Variants in RB1 observed in about 807,000 individuals in gnomAD.
RB1 encodes the protein RB transcriptional corepressor 1.
A neutral mutation model predicts 135.4 loss-of-function variants in RB1; 18 were observed. The observed-to-expected ratio is 0.13, with a 90% CI of 0.09 to 0.20. The LOEUF is 0.20. Ranked by LOEUF, RB1 falls within the 10% of genes least tolerant of loss-of-function variation. RB1 has a pLI of 1.00. For synonymous variants in RB1, 365 were observed against 373.2 expected, an observed-to-expected ratio of 0.98 and a Z score of 0.25; for missense variants, 868 against 1,110.0, an observed-to-expected ratio of 0.78 and a Z score of 3.10.
intron 2 of RB1, among the ~76,000 whole-genome samples, chr13:48,308,857 A>G (rs1487136331): frequency 6.6e-6 from 1 of 152,188 alleles, no homozygotes; most frequent in Non-Finnish European, 1.5e-5. Context: ...TTGAGATTAT[A>G]CATGTAGTTA....
intron 11 of RB1, among the ~76,000 whole-genome samples, 188 bp from the exon 12 acceptor site, chr13:48,373,217 A>G (rs555649495): frequency 1.3e-5 from 2 of 152,198 alleles, no homozygotes; most frequent in Non-Finnish European, 2.9e-5. Context: ...TTGTGAATAC[A>G]TATTTTCTTA....
chr13:48,453,454 G>A (rs543650313), intron 18 of RB1, among the ~76,000 whole-genome samples: 11 of 152,172 alleles, frequency 7.2e-5, no homozygotes, highest in Non-Finnish European at 1.6e-4. Context: ...AAATGTCAAA[G>A]GAAGCAGAAA....
At chr13:48,372,298 G>A (rs142776984) in intron 11 of RB1, among the ~76,000 whole-genome samples, 3 of 152,288 alleles carry the variant, frequency 2.0e-5, no homozygotes, top group East Asian at 3.9e-4. Context: ...GGTCATTTGT[G>A]GCTTTAATCA....
chr13:48,368,699 A>G, intron 11 of RB1, 95 bp downstream of exon 11: 3 of 1,499,122 alleles, frequency 2.0e-6, no homozygotes, highest in Non-Finnish European at 2.7e-6. Context: ...GTATTCATAC[A>G]TACATGTAAG....
chr13:48,371,110 G>T (rs1442597554), intron 11 of RB1, among the ~76,000 whole-genome samples: 1 of 152,222 alleles, frequency 6.6e-6, no homozygotes, highest in Non-Finnish European at 1.5e-5. Flanking sequence ...GGAGAGGAGA[G>T]TGGGTACTAG....
At chr13:48,411,045 T>A (rs1428268089) in intron 17 of RB1, 1 of 155,464 alleles carries the variant, frequency 6.4e-6, no homozygotes, top group Admixed American at 6.4e-5. Context: ...TATAAAATAA[T>A]TTAGTAAATT....
chr13:48,465,939 G>A (rs1319149755), intron 23 of RB1, among the ~76,000 whole-genome samples: 1 of 148,060 alleles, frequency 6.8e-6, no homozygotes, highest in Non-Finnish European at 1.5e-5. Context: ...TGCTAGCACA[G>A]CAGTCTGTGA....
At chr13:48,400,254 TA>T (rs1330709446) in intron 17 of RB1, among the ~76,000 whole-genome samples, 2 of 152,096 alleles carry the variant, frequency 1.3e-5, no homozygotes, top group African/African-American at 4.8e-5. Flanking sequence ...TAGGTACTGT[TA>T]AAAGTGCTTC....
chr13:48,408,611 A>G (rs572923557), intron 17 of RB1: 1 of 152,140 alleles, frequency 6.6e-6, no homozygotes, highest in African/African-American at 2.4e-5. Context: ...AACCCTCAGA[A>G]TATATGACTT....
rs111796313 is a variant in RB1 at position 48,416,454 on chromosome 13, T to C, written c.1695+35011T>C. The C allele has an allele frequency of 4.4e-3, 678 of 152,578 alleles. 3 individuals are homozygous for C. The highest frequency in any genetic ancestry group is 0.015 in the African/African-American group (642 of 41,564). The allele number at this position is 152,578 out of a possible 1,614,324, so 9.5% of individuals were successfully genotyped here. On this transcript the variant is annotated intron_variant, in intron 17 of 26. Transcript: ENST00000267163. Reference sequence around the variant, plus strand: ...ACAACCCTTAGACCAGGCAATTCCCTCGGGTGCCTACACCACCCAGGCCCT... The same window carrying C: ...ACAACCCTTAGACCAGGCAATTCCCCCGGGTGCCTACACCACCCAGGCCCT...
At chr13:48,418,329 G>A (rs1566217078) in intron 17 of RB1, among the ~76,000 whole-genome samples, 1 of 152,154 alleles carries the variant, frequency 6.6e-6, no homozygotes, top group Non-Finnish European at 1.5e-5. Flanking sequence ...ATAAGCAAAT[G>A]TTGAGAGATT....
intron 18 of RB1, among the ~76,000 whole-genome samples, chr13:48,455,469 G>A (rs552125240): frequency 3.9e-5 from 6 of 152,118 alleles, no homozygotes; most frequent in African/African-American, 7.2e-5. Context: ...ATAATGGGTC[G>A]CTTTTCTTAG....
At chr13:48,336,183 G>A (rs1952383612) in intron 2 of RB1, among the ~76,000 whole-genome samples, 2 of 152,140 alleles carry the variant, frequency 1.3e-5, no homozygotes, top group African/African-American at 4.8e-5. Flanking sequence ...TTGGTATCAG[G>A]ATGATTTTGG....
chr13:48,402,880 A>T (rs1279305842), intron 17 of RB1, among the ~76,000 whole-genome samples: 1 of 152,166 alleles, frequency 6.6e-6, no homozygotes, highest in Non-Finnish European at 1.5e-5. Context: ...CCTATATGAC[A>T]TATAAATCAA....
chr13:48,318,655 G>A (rs1172870950), intron 2 of RB1: 1 of 609,248 alleles, frequency 1.6e-6, no homozygotes, highest in Non-Finnish European at 3.0e-6. Flanking sequence ...ACCACCTCCC[G>A]CGTTTTCTTG....
chr13:48,360,035 A>G lies in RB1; in HGVS notation c.626A>G (p.Glu209Gly). 6.2e-7 allele frequency: 1 copy of G among 1,612,420 alleles called. No individual in the cohort carries two copies. Among genetic ancestry groups the G allele is most frequent in the Non-Finnish European group, 8.5e-7 (1 of 1,179,200 alleles). ...LLAKGEVLQM[E>G]DDLVISFQLM... ...TTTTCAGGGGAAGTATTACAAATGG[A>G]AGATGATCTGGTGATTTCATTTCAG... Residue 209 changes from glutamate (E) to glycine (G), a missense_variant, in exon 7 of 27, where the codon GAA becomes GGA. Physicochemically the swap from Glu to Gly is moderately conservative, Grantham distance 98. This residue lies in a region of RB1 where 641 missense variants were observed against 791.3 expected (regional missense o/e 0.81). Transcript: ENST00000267163.
At chr13:48,304,188 C>G (rs1207986734) in intron 1 of RB1, 139 bp downstream of exon 1, 12 of 976,382 alleles carry the variant, frequency 1.2e-5, no homozygotes, top group Admixed American at 4.3e-5. Context: ...TCCCTGCCCC[C>G]CGCCACGGCG....
intron 6 of RB1, among the ~76,000 whole-genome samples, chr13:48,352,851 C>T (rs745679776): frequency 1.8e-4 from 27 of 152,112 alleles, no homozygotes; most frequent in Non-Finnish European, 3.1e-4. Flanking sequence ...TCATTTCTTT[C>T]TCTCACCTGA....
chr13:48,364,731 A>G (rs1211117557), intron 8 of RB1, among the ~76,000 whole-genome samples, 163 bp from the exon 9 acceptor site: 1 of 152,146 alleles, frequency 6.6e-6, no homozygotes, highest in Non-Finnish European at 1.5e-5. Context: ...CAATATAGAG[A>G]GACCCCTTCT....
Sources: gnomAD v4.1 joint callset for allele counts (sites outside exome capture counted in the v4.1 genomes callset) on GRCh38, gnomAD v4.1.1 for gene constraint, gnomAD v4.1.1 regional missense constraint, MANE v1.5 for transcripts, NCBI Gene and HGNC (gene_info 2026-07-23, HGNC 2026-07-21) for gene names.